The following ZNF337 variants were observed in gnomAD, a reference collection of about 807,000 sequenced individuals.
The protein encoded by ZNF337 is zinc finger protein 337.
In ZNF337, 8 loss-of-function variants were observed where a neutral mutation model predicts 12.1. The observed-to-expected ratio is 0.66, with a 90% CI of 0.39 to 1.19. The LOEUF (loss-of-function observed/expected upper bound fraction) is 1.19. Ranked by LOEUF, ZNF337 falls within the 50% of genes most tolerant of loss-of-function variation. ZNF337 has a pLI of 0.01. For missense variants in ZNF337, 882 were observed against 896.6 expected (o/e 0.98, Z 0.21); for synonymous variants, 336 against 320.0 (o/e 1.05, Z -0.53).
At chr20:25,695,323 A>G (rs956711297) in intron 1 of ZNF337, among the ~76,000 whole-genome samples, 13 of 152,148 alleles carry the variant, frequency 8.5e-5, no homozygotes, top group African/African-American at 3.1e-4. Context: ...GACATTTACC[A>G]TCTATTCTGA....
At chr20:25,688,360 C>T (rs938998669) in intron 1 of ZNF337, among the ~76,000 whole-genome samples, 1 of 152,204 alleles carries the variant, frequency 6.6e-6, no homozygotes, top group Non-Finnish European at 1.5e-5. Context: ...TACATACTCA[C>T]ATCTTCTGTG....
intron 1 of ZNF337, among the ~76,000 whole-genome samples, chr20:25,693,296 C>G (rs369395300): frequency 6.6e-6 from 1 of 152,192 alleles, no homozygotes; most frequent in East Asian, 1.9e-4. Flanking sequence ...AGGCTGGTCT[C>G]GAACTCCTGG....
In ZNF337 at chr20:25,674,891, A is replaced by G; in HGVS notation, c.*141T>C. On this transcript the variant is annotated 3_prime_UTR_variant, in exon 5 of 5. Transcript: ENST00000252979. The stretch of plus-strand genomic sequence containing the variant: ...AATCTCTTGGGGACACATGGGTTGA[A>G]TTCAGGTTCTCTGTAGCCCTCTGGA... 1.4e-6 allele frequency: 1 copy of G among 732,562 alleles called. No individual in the cohort carries two copies. The highest frequency in any genetic ancestry group is 2.2e-6 in the Non-Finnish European group (1 of 453,702). The allele number at this position is 732,562 out of a possible 1,614,324, so 45.4% of individuals were successfully genotyped here. A position where few individuals can be genotyped will look rare whatever the true frequency, so the allele number is the denominator to read the frequency against.
chr20:25,691,248 A>G (rs1600451709), intron 1 of ZNF337, among the ~76,000 whole-genome samples: 1 of 152,320 alleles, frequency 6.6e-6, no homozygotes, highest in Middle Eastern at 3.4e-3. Flanking sequence ...TAAAGAGAAG[A>G]ATTTGAAATT....
At position 25,674,954 on chromosome 20, in the gene ZNF337, T is replaced by C. The variant is rs903568988; in HGVS notation, c.*78A>G. On this transcript the variant is annotated 3_prime_UTR_variant, in exon 5 of 5. Transcript: ENST00000252979. The stretch of plus-strand genomic sequence containing the variant: ...CTGTTATATCTTCACGAACAAGTTA[T>C]GCAGCCTCAACTAAAGCTTGTAACA... 2 of 1,346,694 alleles carry C rather than the reference T, an allele frequency of 1.5e-6. No individual in the cohort carries two copies. Among genetic ancestry groups the C allele is most frequent in the Middle Eastern group, 1.9e-4 (1 of 5,256 alleles). The allele number at this position is 1,346,694 out of a possible 1,614,324, so 83.4% of individuals were successfully genotyped here. A position where few individuals can be genotyped will look rare whatever the true frequency, so the allele number is the denominator to read the frequency against.
chr20:25,675,178 C>T lies in ZNF337; in HGVS notation c.2110G>A (p.Glu704Lys), dbSNP rs1177319881. Residue 704 changes from glutamate (E) to lysine (K), a missense_variant, in exon 5 of 5, where the codon GAA becomes AAA. Coordinates refer to ENST00000252979, the MANE Select transcript of ZNF337 (RefSeq NM_015655.4). ...GGCCTCTCTCCTGTGTGTATTCTTT[C>T]ATGCACAGTGAGGTCTGACTTACTG... Reference protein sequence around the residue: ...YTSKSDLTVHERIHTGERPYE... With the variant: ...YTSKSDLTVHKRIHTGERPYE... 6 of 1,614,152 alleles carry T rather than the reference C, an allele frequency of 3.7e-6. No homozygotes were observed. The highest frequency in any genetic ancestry group is 5.1e-6 in the Non-Finnish European group (6 of 1,180,060).
chr20:25,676,935 G>A lies in ZNF337; in HGVS notation c.353C>T (p.Ala118Val). The A allele has an allele frequency of 6.2e-7, 1 of 1,614,076 alleles. No individual in the cohort carries two copies. The highest frequency in any genetic ancestry group is 8.5e-7 in the Non-Finnish European group (1 of 1,180,028). ...GCTTTTTTCTTTCTCTTGACCTTCA[G>A]CTGTGTCACTCTGGAAGCTTTGATC... is the stretch of plus-strand genomic sequence containing the variant. Reference protein sequence around the residue: ...FSDQSFQSDTAEGQEKEKSTK... With the variant: ...FSDQSFQSDTVEGQEKEKSTK... Residue 118 changes from alanine (A) to valine (V), a missense_variant, in exon 5 of 5, where the codon GCT (alanine) becomes GTT (valine). Physicochemically the swap from Ala to Val is moderately conservative, Grantham distance 64. Transcript: ENST00000252979.
chr20:25,678,794 A>C (rs1471199578), intron 4 of ZNF337, among the ~76,000 whole-genome samples: 2 of 151,986 alleles, frequency 1.3e-5, no homozygotes, highest in Non-Finnish European at 2.9e-5. Flanking sequence ...AAAGGTTAAA[A>C]AAAAAATTAG....
chr20:25,677,224 A>G, intron 4 of ZNF337, 187 bp from the exon 5 acceptor site: 1 of 581,546 alleles, frequency 1.7e-6, no homozygotes, highest in Non-Finnish European at 2.9e-6. Flanking sequence ...AACTCATTCT[A>G]AAAGGCCAGC....
In ZNF337 at chr20:25,696,246, C is replaced by T. The variant is rs191251362; in HGVS notation, c.-50+513G>A. Among the ~76,000 whole-genome samples the T allele has an allele frequency of 7.9e-3, 1,205 of 152,230 alleles. 14 individuals are homozygous for T. Among genetic ancestry groups the T allele is most frequent in the African/African-American group, 0.024 (1,012 of 41,550 alleles). On this transcript the variant is annotated intron_variant, in intron 1 of 4. Transcript: ENST00000252979. ...ACACGCGGGCGAAGTCCTCCCCTGTCCCGCCTCCCACAATAAAGTCTGGAG... is the reference window on the plus strand; with the variant it reads ...ACACGCGGGCGAAGTCCTCCCCTGTTCCGCCTCCCACAATAAAGTCTGGAG...
intron 4 of ZNF337, chr20:25,680,718 T>C (rs2065758614): frequency 6.6e-6 from 1 of 152,222 alleles, no homozygotes; most frequent in Admixed American, 6.5e-5. Context: ...TTAAGTTTGC[T>C]GATTCTGTAA....
Position 25,676,022 on chromosome 20 carries a change from G to A in ZNF337, c.1266C>T (p.His422=). ...SFSQKSTLVY[H]QRTHSGEKPF... ...GTTTCTCCCCTGAGTGTGTTCTCTGGTGGTAGACAAGAGTTGACTTTTGGC... is the reference window on the plus strand; with the variant it reads ...GTTTCTCCCCTGAGTGTGTTCTCTGATGGTAGACAAGAGTTGACTTTTGGC... The change falls in exon 5 of 5, where the codon CAC becomes CAT. Residue 422 remains histidine (H), a synonymous_variant. Transcript: ENST00000252979. 6.2e-7 allele frequency: 1 copy of A among 1,613,690 alleles called. No homozygotes were observed. The highest frequency in any genetic ancestry group is 8.5e-7 in the Non-Finnish European group (1 of 1,179,682).
intron 4 of ZNF337, among the ~76,000 whole-genome samples, chr20:25,680,252 T>A (rs890614874): frequency 8.5e-5 from 13 of 152,234 alleles, no homozygotes; most frequent in Admixed American, 6.5e-4. Context: ...TAATTTATAT[T>A]TCAAAATAGA....
chr20:25,677,406 A>G (rs998316811), intron 4 of ZNF337: 9 of 185,514 alleles, frequency 4.9e-5, no homozygotes, highest in African/African-American at 2.1e-4. Context: ...CAAGTATGCA[A>G]TCATGATTCA....
In ZNF337 at chr20:25,674,706, C is replaced by A; in HGVS notation, c.*326G>T. On this transcript the variant is annotated 3_prime_UTR_variant, in exon 5 of 5. Coordinates refer to ENST00000252979, the MANE Select transcript of ZNF337 (RefSeq NM_015655.4). ...GGCCTGCCTTGGTATCCCTGCTCTG[C>A]AGTCACTGGCTAAGAGCAGTCCTTA... 1 of 304,440 alleles carries A rather than the reference C, an allele frequency of 3.3e-6. No homozygotes were observed. Among genetic ancestry groups the A allele is most frequent in the Non-Finnish European group, 6.1e-6 (1 of 163,378 alleles). 18.9% of individuals were successfully genotyped at this position (304,440 alleles called of 1,614,324 possible). A position where few individuals can be genotyped will look rare whatever the true frequency, so the allele number is the denominator to read the frequency against.
chr20:25,676,511 TGA>T lies in ZNF337; in HGVS notation c.775_776del (p.Ser259ArgfsTer17). The T allele has an allele frequency of 1.2e-6, 2 of 1,614,156 alleles. No homozygotes were observed. Among genetic ancestry groups the T allele is most frequent in the Non-Finnish European group, 1.7e-6 (2 of 1,180,018 alleles). On this transcript the variant is annotated frameshift_variant, in exon 5 of 5. Coordinates refer to ENST00000252979, the MANE Select transcript of ZNF337 (RefSeq NM_015655.4). LOFTEE classifies it low-confidence loss of function (END_TRUNC). Reference sequence around the variant, plus strand: ...CCTTGCACAGAAAAGGCTTCTCTCCTGAGTGTGTCCTCTGGTGTCTGAGGAGG... The same window carrying T: ...CCTTGCACAGAAAAGGCTTCTCTCCTGTGTGTCCTCTGGTGTCTGAGGAGG... ...ANLLRHQRTH[S>X]GEKPFLCKVC...
At chr20:25,690,293 AAAAC>A (rs1231829048) in intron 1 of ZNF337, among the ~76,000 whole-genome samples, 14 of 152,300 alleles carry the variant, frequency 9.2e-5, no homozygotes, top group Non-Finnish European at 2.1e-4. Context: ...AACAACAACA[AAAAC>A]AAAACAGGAG....
intron 1 of ZNF337, among the ~76,000 whole-genome samples, chr20:25,691,662 G>A (rs2065883152): frequency 6.6e-6 from 1 of 152,208 alleles, no homozygotes; most frequent in East Asian, 1.9e-4. Flanking sequence ...TTCTCTCAGA[G>A]TGGACCAAAA....
At chr20:25,694,372 A>C (rs895779985) in intron 1 of ZNF337, among the ~76,000 whole-genome samples, 1 of 152,172 alleles carries the variant, frequency 6.6e-6, no homozygotes, top group Non-Finnish European at 1.5e-5. Flanking sequence ...CATGGCTATG[A>C]CATTCCTCAA....
Sources: gnomAD v4.1 joint callset for allele counts (sites outside exome capture counted in the v4.1 genomes callset) on GRCh38, gnomAD v4.1.1 for gene constraint, MANE v1.5 for transcripts, NCBI Gene and HGNC (gene_info 2026-07-23, HGNC 2026-07-21) for gene names.